CD109: variants seen among roughly 807,000 people sequenced by gnomAD.
CD109 encodes the protein CD109 antigen.
Under a neutral mutation model 165.8 loss-of-function variants are expected in CD109, and 149 were observed. The ratio of observed to expected loss-of-function variants is 0.90; its 90% CI spans 0.79 to 1.03. The LOEUF (loss-of-function observed/expected upper bound fraction) is 1.03, where lower values mean the gene tolerates loss of function less well. Among genes scored for constraint, CD109 ranks in the 50% least tolerant of loss-of-function variants. The pLI is 0.00. For missense variants in CD109, 1,712 were observed against 1,677.8 expected, an observed-to-expected ratio of 1.02 and a Z score of -0.36; for synonymous variants, 585 against 592.1, an observed-to-expected ratio of 0.99 and a Z score of 0.18.
chr6:73,806,867 G>A lies in CD109; in HGVS notation c.2984G>A (p.Cys995Tyr). The change falls in exon 25 of 33, where the codon TGT (cysteine) becomes TAT (tyrosine). Residue 995 changes from cysteine (C) to tyrosine (Y), a missense_variant. Physicochemically the swap from Cys to Tyr is radical, Grantham distance 194 (BLOSUM62 -2). Transcript: ENST00000287097. ...STWLSAFVLR[C>Y]FLEADPYIDI... ...AGGTTGTCAGCTTTTGTTTTAAGAT[G>A]TTTCCTTGAAGCCGATCCTTACATA... 6.2e-7 allele frequency: 1 copy of A among 1,612,716 alleles called. No individual in the cohort carries two copies. Among genetic ancestry groups the A allele is most frequent in the Non-Finnish European group, 8.5e-7 (1 of 1,179,320 alleles).
intron 5 of CD109, among the ~76,000 whole-genome samples, chr6:73,737,612 A>C (rs530179922): frequency 6.6e-6 from 1 of 152,352 alleles, no homozygotes; most frequent in East Asian, 1.9e-4. Flanking sequence ...TACTTATAAC[A>C]GTGTAATAAT....
intron 5 of CD109, among the ~76,000 whole-genome samples, chr6:73,747,136 C>T (rs1049628620): frequency 6.6e-6 from 1 of 152,214 alleles, no homozygotes; most frequent in East Asian, 1.9e-4. Flanking sequence ...TTCTTTCTTC[C>T]TCTACTTTGT....
rs571168023 is a variant in CD109 at position 73,786,390 on chromosome 6, A to C, written c.2338-844A>C. Among the ~76,000 whole-genome samples the C allele has an allele frequency of 1.2e-4, 18 of 152,090 alleles. No homozygotes were observed. The East Asian group carries it at 3.5e-3, about 29-fold the overall frequency. Reference sequence around the variant, plus strand: ...GGCACTTTATATATAATTTTTTTTAATTTAAATTTTAATTTTTTAAGCTTT... The same window carrying C: ...GGCACTTTATATATAATTTTTTTTACTTTAAATTTTAATTTTTTAAGCTTT... On this transcript the variant is annotated intron_variant, in intron 20 of 32. Transcript: ENST00000287097.
At chr6:73,729,691 T>G (rs182471317) in intron 3 of CD109, among the ~76,000 whole-genome samples, 9 of 151,994 alleles carry the variant, frequency 5.9e-5, no homozygotes, top group African/African-American at 1.9e-4. Context: ...TTTTTGTAGT[T>G]TTAGTAGAGA....
At chr6:73,781,127 A>G in intron 16 of CD109, 132 bp from the exon 17 acceptor site, 2 of 636,650 alleles carry the variant, frequency 3.1e-6, no homozygotes, top group Non-Finnish European at 5.5e-6. Flanking sequence ...GAAAGGTTGA[A>G]TGTATGTGCA....
At chr6:73,740,551 G>A (rs529205556) in intron 5 of CD109, among the ~76,000 whole-genome samples, 1 of 151,146 alleles carries the variant, frequency 6.6e-6, no homozygotes, top group African/African-American at 2.4e-5. Flanking sequence ...TGATAGTAAT[G>A]GTGAGTAATT....
At chr6:73,809,680 G>A (rs1416229080) in intron 26 of CD109, among the ~76,000 whole-genome samples, 1 of 152,044 alleles carries the variant, frequency 6.6e-6, no homozygotes, top group African/African-American at 2.4e-5. Context: ...TATGTATGCT[G>A]TAAATATTCC....
chr6:73,692,444 C>A (rs1770707271), upstream of CD109, among the ~76,000 whole-genome samples: 1 of 152,040 alleles, frequency 6.6e-6, no homozygotes, highest in Non-Finnish European at 1.5e-5. Flanking sequence ...TTGTAGGAAA[C>A]TTGGCATATC....
Position 73,820,578 on chromosome 6 carries a change from G to A in CD109, c.4162+15G>A. The A allele has an allele frequency of 7.1e-7, 1 of 1,405,474 alleles. No homozygotes were observed. Among genetic ancestry groups the A allele is most frequent in the South Asian group, 1.2e-5 (1 of 82,238 alleles). The allele number at this position is 1,405,474 out of a possible 1,614,324, so 87.1% of individuals were successfully genotyped here. ...CTATGAGCCAAGTAAGTATGCTCTG[G>A]AGTTCTTAATACTTTAGAAATTAAG... On this transcript the variant is annotated intron_variant, in intron 32 of 32. Coordinates refer to ENST00000287097, the MANE Select transcript of CD109 (RefSeq NM_133493.5).
chr6:73,767,882 T>C (rs1773905698), intron 13 of CD109, among the ~76,000 whole-genome samples, 173 bp from the exon 14 acceptor site: 1 of 152,226 alleles, frequency 6.6e-6, no homozygotes, highest in Non-Finnish European at 1.5e-5. Context: ...ATTTTCTTTT[T>C]CTCAGTGTAT....
chr6:73,718,035 C>T (rs533986502), intron 2 of CD109, among the ~76,000 whole-genome samples: 60 of 151,536 alleles, frequency 4.0e-4, no homozygotes, highest in Admixed American at 8.5e-4. Context: ...ATTGGCTGGG[C>T]GTGGTGACTC....
At chr6:73,710,731 C>T (rs1771501020) in intron 2 of CD109, among the ~76,000 whole-genome samples, 1 of 152,100 alleles carries the variant, frequency 6.6e-6, no homozygotes, top group South Asian at 2.1e-4. Context: ...ACCCTTATCC[C>T]TTATCCCTTG....
intron 22 of CD109, 55 bp downstream of exon 22, chr6:73,788,667 T>C (rs1774793844): frequency 6.8e-7 from 1 of 1,468,392 alleles, no homozygotes; most frequent in Admixed American, 2.2e-5. Context: ...ATCATATATG[T>C]TGTTCTTGTA....
At chr6:73,790,156 G>A (rs1020228419) in intron 22 of CD109, among the ~76,000 whole-genome samples, 2 of 147,436 alleles carry the variant, frequency 1.4e-5, no homozygotes, top group Non-Finnish European at 3.0e-5. Flanking sequence ...GTGCAGTGGT[G>A]TGATCTCGGT....
chr6:73,723,252 C>G lies in CD109; in HGVS notation c.249C>G (p.Gly83=), dbSNP rs763057949. 6.2e-7 allele frequency: 1 copy of G among 1,612,558 alleles called. No homozygotes were observed. The highest frequency in any genetic ancestry group is 1.7e-5 in the Admixed American group (1 of 59,802). Residue 83 remains glycine, a splice_region_variant and synonymous_variant, in exon 3 of 33, where the codon GGC becomes GGG. Transcript: ENST00000287097. Reference sequence around the variant, plus strand: ...TTTTCTTTCCTGTTTTCCTTGTAGGCTCTTTTAAGACACTTACTCTTCCAT... The same window carrying G: ...TTTTCTTTCCTGTTTTCCTTGTAGGGTCTTTTAAGACACTTACTCTTCCAT... ...VLEAEGVFEK[G]SFKTLTLPSL...
rs140281913 is a variant in CD109 at position 73,744,946 on chromosome 6, T to C, written c.633+8438T>C. 1.0e-2 allele frequency among the ~76,000 whole-genome samples: 1,521 copies of C among 152,270 alleles called. 26 individuals are homozygous for C. The highest frequency in any genetic ancestry group is 0.034 in the African/African-American group (1,421 of 41,542). ...TGATCTTAGAGGTCGCCTAGATCCA[T>C]CTCCCCACTTTATGGAGGAAGAATC... On this transcript the variant is annotated intron_variant, in intron 5 of 32. Transcript: ENST00000287097.
intron 2 of CD109, among the ~76,000 whole-genome samples, chr6:73,717,830 A>C (rs1326021536): frequency 6.6e-6 from 1 of 151,650 alleles, no homozygotes; most frequent in East Asian, 2.0e-4. Flanking sequence ...CGTGTTAACC[A>C]GGACGGTCTC....
At chr6:73,793,415 C>G (rs989738211) in intron 23 of CD109, among the ~76,000 whole-genome samples, 1 of 152,224 alleles carries the variant, frequency 6.6e-6, no homozygotes, top group Non-Finnish European at 1.5e-5. Flanking sequence ...TTAATAACAG[C>G]AGCTAACATG....
At chr6:73,708,554 G>T (rs867409382) in intron 2 of CD109, among the ~76,000 whole-genome samples, 22 of 152,180 alleles carry the variant, frequency 1.4e-4, no homozygotes, top group South Asian at 2.1e-4. Flanking sequence ...TCTAGTTATA[G>T]ATCCCTGAGG....
Sources: allele counts gnomAD v4.1 joint callset (sites outside exome capture counted in the v4.1 genomes callset), GRCh38; gene constraint gnomAD v4.1.1; transcripts MANE v1.5; gene names NCBI Gene and HGNC (gene_info 2026-07-23, HGNC 2026-07-21).